NR3C2: variants seen among roughly 807,000 people sequenced by gnomAD.
NR3C2 encodes the protein nuclear receptor subfamily 3 group C member 2.
In NR3C2, 15 loss-of-function variants were observed where a neutral mutation model predicts 86.4. The ratio of observed to expected loss-of-function variants is 0.17; its 90% CI spans 0.12 to 0.27. The LOEUF (loss-of-function observed/expected upper bound fraction) is 0.27, where lower values mean the gene tolerates loss of function less well. Ranked by LOEUF, NR3C2 falls within the 10% of genes least tolerant of loss-of-function variation. NR3C2 has a pLI of 1.00. For synonymous variants in NR3C2, 458 were observed against 450.5 expected (o/e 1.02, Z -0.21); for missense variants, 960 against 1,195.6 (o/e 0.80, Z 2.91).
chr4:148,349,861 A>T (rs1026963144), intron 2 of NR3C2, among the ~76,000 whole-genome samples: 5 of 152,172 alleles, frequency 3.3e-5, no homozygotes, highest in Admixed American at 1.3e-4. Context: ...AAATAACACT[A>T]CAGTTTACCG....
chr4:148,210,588 T>C (rs1579016967), intron 3 of NR3C2, among the ~76,000 whole-genome samples: 1 of 152,304 alleles, frequency 6.6e-6, no homozygotes, highest in East Asian at 1.9e-4. Context: ...TCAGTGTTCT[T>C]TTATGCATAT....
At chr4:148,295,971 T>A (rs1178735806) in intron 2 of NR3C2, among the ~76,000 whole-genome samples, 1 of 136,246 alleles carries the variant, frequency 7.3e-6, no homozygotes, top group Admixed American at 8.5e-5. Flanking sequence ...ATGGCAAACA[T>A]GGAACACAGA....
intron 2 of NR3C2, among the ~76,000 whole-genome samples, chr4:148,289,297 T>G (rs1741687412): frequency 6.8e-6 from 1 of 146,312 alleles, no homozygotes; most frequent in Non-Finnish European, 1.5e-5. Context: ...AAAACCATGA[T>G]GTGAATATGA....
chr4:148,303,796 G>A (rs950737956), intron 2 of NR3C2, among the ~76,000 whole-genome samples: 1 of 152,218 alleles, frequency 6.6e-6, no homozygotes, highest in African/African-American at 2.4e-5. Flanking sequence ...GGTCACGCTA[G>A]TATCCATGGC....
At chr4:148,256,358 T>A (rs562100544) in intron 3 of NR3C2, among the ~76,000 whole-genome samples, 1 of 152,328 alleles carries the variant, frequency 6.6e-6, no homozygotes, top group South Asian at 2.1e-4. Context: ...TGTGGTTGTA[T>A]CATTTACATC....
intron 2 of NR3C2, among the ~76,000 whole-genome samples, chr4:148,278,768 A>G (rs1404635428): frequency 2.6e-5 from 4 of 152,098 alleles, no homozygotes; most frequent in African/African-American, 9.7e-5. Context: ...ATATACCCAC[A>G]TTCGTTAACA....
At chr4:148,276,822 T>A (rs755295453) in intron 2 of NR3C2, among the ~76,000 whole-genome samples, 2 of 152,248 alleles carry the variant, frequency 1.3e-5, no homozygotes, top group Non-Finnish European at 2.9e-5. Context: ...TATTTTTCTT[T>A]TATACTATGA....
chr4:148,204,216 T>C (rs115067222), intron 3 of NR3C2, among the ~76,000 whole-genome samples: 133 of 152,310 alleles, frequency 8.7e-4, no homozygotes, highest in African/African-American at 3.1e-3. Flanking sequence ...GAGAAACACT[T>C]ATTATGGTGC....
intron 4 of NR3C2, among the ~76,000 whole-genome samples, chr4:148,161,162 G>C (rs899345508): frequency 1.8e-4 from 27 of 152,042 alleles, no homozygotes; most frequent in Non-Finnish European, 3.4e-4. Context: ...AATACTCAGA[G>C]TGGTTAAGAA....
intron 2 of NR3C2, among the ~76,000 whole-genome samples, chr4:148,408,170 A>T (rs1748512215): frequency 6.6e-6 from 1 of 152,208 alleles, no homozygotes; most frequent in South Asian, 2.1e-4. Flanking sequence ...CTAGCAGGGG[A>T]CCACTACCTC....
At chr4:148,339,494 A>C (rs543389897) in intron 2 of NR3C2, among the ~76,000 whole-genome samples, 1 of 152,348 alleles carries the variant, frequency 6.6e-6, no homozygotes, top group South Asian at 2.1e-4. Flanking sequence ...CTTTTGGTCA[A>C]GTGCTATGTT....
intron 2 of NR3C2, among the ~76,000 whole-genome samples, chr4:148,319,739 CT>C (rs1178034279): frequency 2.7e-5 from 4 of 150,822 alleles, no homozygotes; most frequent in African/African-American, 9.9e-5. Flanking sequence ...TATCCTGAGA[CT>C]TTGCTGAAGT....
At chr4:148,349,084 G>T (rs905057358) in intron 2 of NR3C2, among the ~76,000 whole-genome samples, 1 of 152,094 alleles carries the variant, frequency 6.6e-6, no homozygotes, top group African/African-American at 2.4e-5. Flanking sequence ...ATTATTTGCT[G>T]AATTACTCAA....
At chr4:148,154,152 G>A (rs1444168991) in intron 5 of NR3C2, among the ~76,000 whole-genome samples, 1 of 151,888 alleles carries the variant, frequency 6.6e-6, no homozygotes, top group Non-Finnish European at 1.5e-5. Flanking sequence ...GGGATTACAG[G>A]CACCTGCCAC....
chr4:148,321,598 C>T (rs992120089), intron 2 of NR3C2, among the ~76,000 whole-genome samples: 2 of 152,174 alleles, frequency 1.3e-5, no homozygotes, highest in Non-Finnish European at 2.9e-5. Flanking sequence ...ATAGTTAGCT[C>T]TTCTTGTTGA....
At chr4:148,192,168 C>T (rs1223319294) in intron 4 of NR3C2, among the ~76,000 whole-genome samples, 4 of 152,158 alleles carry the variant, frequency 2.6e-5, no homozygotes, top group Admixed American at 6.5e-5. Flanking sequence ...TTCTTTTGTC[C>T]CACAGGGTGT....
intron 3 of NR3C2, among the ~76,000 whole-genome samples, chr4:148,223,508 G>A (rs984639181): frequency 1.3e-5 from 2 of 152,162 alleles, no homozygotes; most frequent in South Asian, 2.1e-4. Flanking sequence ...GGTGGAAGCT[G>A]ACTTAAGAGC....
At chr4:148,103,643 A>G (rs1731642653) in intron 8 of NR3C2, among the ~76,000 whole-genome samples, 1 of 152,258 alleles carries the variant, frequency 6.6e-6, no homozygotes, top group Non-Finnish European at 1.5e-5. Context: ...ACAGTCACTG[A>G]GCAATTCTGC....
intron 2 of NR3C2, among the ~76,000 whole-genome samples, chr4:148,349,608 T>C (rs1745169225): frequency 6.7e-6 from 1 of 149,494 alleles, no homozygotes; most frequent in Admixed American, 6.8e-5. Context: ...TAAATGAGAA[T>C]TCTCTCCTTT....
Sources: gnomAD v4.1 joint callset for allele counts (sites outside exome capture counted in the v4.1 genomes callset) on GRCh38, gnomAD v4.1.1 for gene constraint, MANE v1.5 for transcripts, NCBI Gene and HGNC (gene_info 2026-07-23, HGNC 2026-07-21) for gene names.